RBM6: variants seen among roughly 807,000 people sequenced by gnomAD.
The protein encoded by RBM6 is RNA-binding protein 6.
A neutral mutation model predicts 140.4 loss-of-function variants in RBM6; 23 were observed. That is an observed-to-expected ratio of 0.16 (90% confidence interval 0.12 to 0.23). The LOEUF (loss-of-function observed/expected upper bound fraction) is 0.23. RBM6 is among the 10% of genes least tolerant of loss of function. The pLI, the probability that RBM6 is intolerant of heterozygous loss-of-function variation, is 1.00. For missense variants in RBM6, 1,139 were observed against 1,386.7 expected, an observed-to-expected ratio of 0.82 and a Z score of 2.84; for synonymous variants, 439 against 475.6, an observed-to-expected ratio of 0.92 and a Z score of 1.00.
Position 50,069,343 on chromosome 3 carries a change from T to C in RBM6, c.3018+579T>C, listed in dbSNP as rs567026266. ...GCCTGGGCGACATGGCGAAATCCTA[T>C]CTCTACAAAAAATATAAAAATTAGG... On this transcript the variant is annotated intron_variant, in intron 18 of 20. Transcript: ENST00000266022. 1.3e-4 allele frequency among the ~76,000 whole-genome samples: 19 copies of C among 151,964 alleles called. No homozygotes were observed. The South Asian group carries it at 3.7e-3, about 30-fold the overall frequency.
intron 1 of RBM6, among the ~76,000 whole-genome samples, chr3:49,956,552 G>A (rs2083999098): frequency 6.6e-6 from 1 of 151,678 alleles, no homozygotes; most frequent in Admixed American, 6.6e-5. Context: ...GGCTGGTCTC[G>A]AACTCCTGAC....
chr3:50,022,547 C>T (rs543601800), intron 6 of RBM6, among the ~76,000 whole-genome samples: 123 of 152,154 alleles, frequency 8.1e-4, no homozygotes, highest in Admixed American at 4.0e-3. Flanking sequence ...TCAGGCTGGT[C>T]GCGAACTCCC....
At chr3:50,048,176 C>G in intron 6 of RBM6, 69 bp from the exon 7 acceptor site, 3 of 1,577,452 alleles carry the variant, frequency 1.9e-6, no homozygotes, top group Non-Finnish European at 2.6e-6. Context: ...GAAAGGCTCT[C>G]TGTGCCTTTC....
intron 9 of RBM6, 116 bp from the exon 10 acceptor site, chr3:50,058,286 A>G (rs1166407527): frequency 8.3e-7 from 1 of 1,203,344 alleles, no homozygotes; most frequent in African/African-American, 1.5e-5. Context: ...ATTTTTTTAC[A>G]GAACCAGCCT....
At chr3:49,951,703 T>G (rs2083738398) in intron 1 of RBM6, among the ~76,000 whole-genome samples, 1 of 150,760 alleles carries the variant, frequency 6.6e-6, no homozygotes, top group East Asian at 2.0e-4. Flanking sequence ...CCAGTTATTA[T>G]TATTATTATT....
chr3:50,045,339 T>C (rs974682918), intron 6 of RBM6, among the ~76,000 whole-genome samples: 4 of 152,208 alleles, frequency 2.6e-5, no homozygotes, highest in Admixed American at 2.6e-4. Context: ...GGATTGGGTA[T>C]ACAGATGTAT....
At chr3:50,039,342 C>T (rs1469169788) in intron 6 of RBM6, among the ~76,000 whole-genome samples, 4 of 152,120 alleles carry the variant, frequency 2.6e-5, no homozygotes, top group African/African-American at 2.4e-5. Context: ...CAGGTTCAAG[C>T]GATGCTCCTG....
intron 20 of RBM6, 148 bp from the exon 21 acceptor site, chr3:50,076,860 G>A (rs1374293177): frequency 1.5e-6 from 1 of 687,924 alleles, no homozygotes; most frequent in Middle Eastern, 4.7e-4. Context: ...CTCTAGCCCG[G>A]GCGACAGAGC....
chr3:50,037,743 G>T (rs1195350796), intron 6 of RBM6, among the ~76,000 whole-genome samples: 2 of 151,612 alleles, frequency 1.3e-5, no homozygotes, highest in Non-Finnish European at 2.9e-5. Flanking sequence ...GGTTCAAGCA[G>T]TTCTCCCACC....
At chr3:50,076,067 C>T (rs967788146) in intron 20 of RBM6, among the ~76,000 whole-genome samples, 1 of 151,700 alleles carries the variant, frequency 6.6e-6, no homozygotes, top group African/African-American at 2.4e-5. Flanking sequence ...CTCCCAGGTT[C>T]AAGCAATTCT....
intron 1 of RBM6, 82 bp from the exon 2 acceptor site, chr3:49,962,494 C>G (rs1359240485): frequency 5.8e-6 from 4 of 689,062 alleles, no homozygotes; most frequent in African/African-American, 1.9e-5. Context: ...GATGTGGTCC[C>G]TCATAAACCA....
chr3:50,060,823 G>C, intron 11 of RBM6, 133 bp from the exon 12 acceptor site: 1 of 712,964 alleles, frequency 1.4e-6, no homozygotes, highest in South Asian at 3.5e-5. Context: ...CACCCAACCT[G>C]CTTGCTGTCT....
chr3:50,066,568 C>G, intron 17 of RBM6, 66 bp downstream of exon 17: 1 of 1,554,592 alleles, frequency 6.4e-7, no homozygotes, highest in Non-Finnish European at 8.7e-7. Context: ...TGGCTCATGC[C>G]TGTAATCCTA....
chr3:50,040,520 G>A (rs1259643184), intron 6 of RBM6, among the ~76,000 whole-genome samples: 1 of 132,620 alleles, frequency 7.5e-6, no homozygotes, highest in Non-Finnish European at 1.6e-5. Flanking sequence ...ACACACACGT[G>A]TGTATATATA....
intron 15 of RBM6, among the ~76,000 whole-genome samples, chr3:50,064,741 A>T (rs1212445749): frequency 6.6e-6 from 1 of 151,882 alleles, no homozygotes; most frequent in Non-Finnish European, 1.5e-5. Context: ...ACAGTGGCAC[A>T]ATCTTGGCTC....
chr3:49,975,241 T>C, intron 4 of RBM6, 82 bp from the exon 5 acceptor site: 6 of 1,186,788 alleles, frequency 5.1e-6, no homozygotes. Context: ...AAATTATGTA[T>C]GATAAAAACT....
chr3:49,968,247 G>A lies in RBM6; in HGVS notation c.822G>A (p.Met274Ile), dbSNP rs199587862. 8.1e-6 allele frequency: 13 copies of A among 1,613,974 alleles called. No individual in the cohort carries two copies. The highest frequency in any genetic ancestry group is 9.3e-6 in the Non-Finnish European group (11 of 1,180,024). ...ATCAGGATTTTAGGGGCAGAGAGAT[G>A]GGATCTTGTATGGAATTTAAAGATA... ...RTDQDFRGRE[M>I]GSCMEFKDRE... Residue 274 changes from methionine (M) to isoleucine (I), a missense_variant, in exon 3 of 21, where the codon ATG becomes ATA. Around this residue, in one of 9 missense-constraint regions of RBM6, gnomAD observed 566 missense variants for 612.7 expected, o/e 0.92. Coordinates refer to ENST00000266022, the MANE Select transcript of RBM6 (RefSeq NM_005777.3).
At chr3:50,059,517 A>T (rs1386845107) in intron 10 of RBM6, 132 bp from the exon 11 acceptor site, 2 of 660,618 alleles carry the variant, frequency 3.0e-6, no homozygotes, top group Non-Finnish European at 5.0e-6. Flanking sequence ...TAAAATTTTG[A>T]CAGAATATAA....
At position 49,974,953 on chromosome 3, in the gene RBM6, C is replaced by G. The variant is rs531121986; in HGVS notation, c.1414-370C>G. On this transcript the variant is annotated intron_variant, in intron 4 of 20. Transcript: ENST00000266022. ...CCACCCGCCTTGGATTCCCAAAGTG[C>G]TGGGATTACATGTGTGAGCCACCAC... Among the ~76,000 whole-genome samples the G allele has an allele frequency of 3.7e-4, 56 of 151,940 alleles. No individual in the cohort carries two copies. In the East Asian group the frequency reaches 0.011, roughly 29 times the overall value.
Sources: allele counts gnomAD v4.1 joint callset (sites outside exome capture counted in the v4.1 genomes callset), GRCh38; gene constraint gnomAD v4.1.1; regional missense constraint gnomAD v4.1.1; transcripts MANE v1.5; gene names NCBI Gene and HGNC (gene_info 2026-07-23, HGNC 2026-07-21).